Variants in ANKFN1 observed in about 807,000 individuals in gnomAD.
ANKFN1 encodes ankyrin repeat and fibronectin type III domain containing 1, also known as ankyrin repeat and fibronectin type-III domain-containing protein 1.
Under a neutral mutation model 108.7 loss-of-function variants are expected in ANKFN1, and 74 were observed. That is an observed-to-expected ratio of 0.68 (90% CI 0.56 to 0.83). The LOEUF (loss-of-function observed/expected upper bound fraction) is 0.83. ANKFN1 is among the 40% of genes least tolerant of loss of function. The pLI is 0.00. For missense variants in ANKFN1, 1,505 were observed against 1,382.3 expected, an observed-to-expected ratio of 1.09 and a Z score of -1.41; for synonymous variants, 547 against 516.2, an observed-to-expected ratio of 1.06 and a Z score of -0.81.
intron 4 of ANKFN1, among the ~76,000 whole-genome samples, chr17:56,133,464 C>T (rs532493063): frequency 6.6e-6 from 1 of 151,822 alleles, no homozygotes; most frequent in Admixed American, 6.6e-5. Flanking sequence ...AAAATGACAG[C>T]CTTAAAAATA....
At chr17:56,208,797 A>G (rs1409236414) in intron 1 of ANKFN1, among the ~76,000 whole-genome samples, 2 of 152,148 alleles carry the variant, frequency 1.3e-5, no homozygotes, top group Non-Finnish European at 2.9e-5. Flanking sequence ...CATCTGGACA[A>G]TCTTTCGGGA....
At chr17:56,456,554 C>T (rs1256480236) in intron 11 of ANKFN1, among the ~76,000 whole-genome samples, 1 of 151,950 alleles carries the variant, frequency 6.6e-6, no homozygotes, top group East Asian at 1.9e-4. Flanking sequence ...TGCGCCACCA[C>T]ACCCTGCTAA....
chr17:56,321,339 TAAGG>T (rs1310233586), intron 3 of ANKFN1, among the ~76,000 whole-genome samples: 1 of 151,894 alleles, frequency 6.6e-6, no homozygotes, highest in Non-Finnish European at 1.5e-5. Flanking sequence ...AGCCTCGCCC[TAAGG>T]AAGGTCAAGA....
chr17:56,491,796 A>T (rs1003946813), intron 18 of ANKFN1, among the ~76,000 whole-genome samples: 8 of 152,204 alleles, frequency 5.3e-5, no homozygotes, highest in Non-Finnish European at 1.2e-4. Context: ...CATGAAAACC[A>T]AAACTAGGTT....
intron 1 of ANKFN1, among the ~76,000 whole-genome samples, chr17:56,206,181 A>G (rs989796895): frequency 6.6e-6 from 1 of 152,122 alleles, no homozygotes; most frequent in Non-Finnish European, 1.5e-5. Flanking sequence ...TATATATTTC[A>G]GTGTATTTCC....
At chr17:56,486,086 A>G (rs1195417818) in intron 18 of ANKFN1, among the ~76,000 whole-genome samples, 4 of 152,240 alleles carry the variant, frequency 2.6e-5, no homozygotes, top group African/African-American at 2.4e-5. Context: ...ACCTCTTCAC[A>G]TTGCTAGAAG....
chr17:56,444,893 G>T (rs2049233497), intron 10 of ANKFN1, among the ~76,000 whole-genome samples: 1 of 152,130 alleles, frequency 6.6e-6, no homozygotes, highest in African/African-American at 2.4e-5. Flanking sequence ...CTGCTATCAG[G>T]CAGACTAAGA....
chr17:56,144,315 C>T (rs1448309399), intron 4 of ANKFN1, among the ~76,000 whole-genome samples: 1 of 152,082 alleles, frequency 6.6e-6, no homozygotes, highest in East Asian at 1.9e-4. Flanking sequence ...AAGAGTACAC[C>T]ACAGGTTGCA....
intron 4 of ANKFN1, among the ~76,000 whole-genome samples, chr17:56,110,451 G>A (rs1156264191): frequency 1.3e-5 from 2 of 152,136 alleles, no homozygotes; most frequent in African/African-American, 4.8e-5. Flanking sequence ...TTATATATTT[G>A]CTTGTGGGAC....
intron 11 of ANKFN1, among the ~76,000 whole-genome samples, chr17:56,455,193 G>A (rs1246403658): frequency 1.3e-5 from 2 of 151,958 alleles, no homozygotes; most frequent in Non-Finnish European, 2.9e-5. Flanking sequence ...GCTTACTTTT[G>A]TCTCCTTTCC....
intron 3 of ANKFN1, among the ~76,000 whole-genome samples, chr17:56,305,575 A>C (rs1222685999): frequency 1.3e-5 from 2 of 152,074 alleles, no homozygotes; most frequent in Non-Finnish European, 2.9e-5. Flanking sequence ...CCTTGAAAAT[A>C]TTTTTGCTCA....
intron 1 of ANKFN1, among the ~76,000 whole-genome samples, chr17:56,203,602 C>T (rs1209757315): frequency 6.6e-6 from 1 of 152,204 alleles, no homozygotes; most frequent in Non-Finnish European, 1.5e-5. Context: ...CAAACAGTTT[C>T]CAGAGTCTTG....
intron 4 of ANKFN1, among the ~76,000 whole-genome samples, chr17:56,082,879 G>A (rs890253968): frequency 7.1e-6 from 1 of 141,504 alleles, no homozygotes. Flanking sequence ...CAGGGTTTAG[G>A]TAAATTTGAG....
At chr17:56,175,429 CCT>C (rs1480259325) in intron 1 of ANKFN1, among the ~76,000 whole-genome samples, 3 of 152,130 alleles carry the variant, frequency 2.0e-5, no homozygotes, top group Non-Finnish European at 4.4e-5. Context: ...CTTGAAATCC[CCT>C]GTGTTGTCAC....
At chr17:56,057,560 C>G (rs1162236106) in intron 4 of ANKFN1, among the ~76,000 whole-genome samples, 1 of 152,056 alleles carries the variant, frequency 6.6e-6, no homozygotes, top group Non-Finnish European at 1.5e-5. Flanking sequence ...CAGAGGCGGG[C>G]AGATCACTTG....
intron 4 of ANKFN1, among the ~76,000 whole-genome samples, chr17:56,118,338 T>G (rs908977820): frequency 6.6e-6 from 1 of 152,148 alleles, no homozygotes; most frequent in African/African-American, 2.4e-5. Flanking sequence ...CACAACATAG[T>G]ACATTTCCAG....
At chr17:56,118,739 G>T (rs1175446278) in intron 4 of ANKFN1, among the ~76,000 whole-genome samples, 3 of 152,134 alleles carry the variant, frequency 2.0e-5, no homozygotes, top group East Asian at 1.9e-4. Context: ...TCATTTATTT[G>T]TCTATTTACT....
chr17:56,514,333 A>C lies in ANKFN1; in HGVS notation c.*3064A>C, dbSNP rs532393715. On this transcript the variant is annotated 3_prime_UTR_variant, in exon 21 of 21. Coordinates refer to ENST00000682825, the MANE Select transcript of ANKFN1 (RefSeq NM_001370326.1). Reference sequence around the variant, plus strand: ...CAAGAAGCTCACAATCTGATCTAAGAATGTAGCCATACATTCACCATACAT... The same window carrying C: ...CAAGAAGCTCACAATCTGATCTAAGCATGTAGCCATACATTCACCATACAT... 5.3e-5 allele frequency among the ~76,000 whole-genome samples: 8 copies of C among 152,316 alleles called. No individual in the cohort carries two copies. The South Asian group carries it at 1.5e-3, about 28-fold the overall frequency.
chr17:56,145,645 T>C (rs953268558), intron 4 of ANKFN1, among the ~76,000 whole-genome samples: 5 of 152,162 alleles, frequency 3.3e-5, no homozygotes, highest in Admixed American at 2.6e-4. Context: ...TGGGGATTAC[T>C]GGAATTACAA....
Sources: allele counts gnomAD v4.1 joint callset (sites outside exome capture counted in the v4.1 genomes callset), GRCh38; gene constraint gnomAD v4.1.1; transcripts MANE v1.5; gene names NCBI Gene and HGNC (gene_info 2026-07-23, HGNC 2026-07-21).